Variants in ATAD2 observed in about 807,000 individuals in gnomAD.
ATAD2 encodes the protein ATPase family AAA domain containing 2, also known as ATPase family AAA domain-containing protein 2.
A neutral mutation model predicts 168.9 loss-of-function variants in ATAD2; 62 were observed. The observed-to-expected ratio is 0.37, with a 90% CI of 0.30 to 0.45. The LOEUF is 0.45. Ranked by LOEUF, ATAD2 falls within the 20% of genes least tolerant of loss-of-function variation. The pLI is 1.00. For synonymous variants in ATAD2, 613 were observed against 571.6 expected, an observed-to-expected ratio of 1.07 and a Z score of -1.03; for missense variants, 1,419 against 1,667.8, an observed-to-expected ratio of 0.85 and a Z score of 2.60.
At chr8:123,369,207 A>G (rs538295367) in intron 7 of ATAD2, 32 bp from the exon 8 acceptor site, 87 of 429,452 alleles carry the variant, frequency 2.0e-4, no homozygotes, top group Middle Eastern at 9.1e-4. Context: ...ATATATTTGT[A>G]TATATATATA....
chr8:123,361,601 G>A lies in ATAD2; in HGVS notation c.1095C>T (p.Ser365=), dbSNP rs1436034160. Residue 365 remains serine, a synonymous_variant, in exon 9 of 28, where the codon TCC becomes TCT. Transcript: ENST00000287394. Reference sequence around the variant, plus strand: ...TCTCAAAGTGCTGTTCATCTTCAGAGGAGGAAGATGAAGTCGAGTCACTAC... The same window carrying A: ...TCTCAAAGTGCTGTTCATCTTCAGAAGAGGAAGATGAAGTCGAGTCACTAC... ...IHSSDSTSSS[S]SEDEQHFERR... 1 of 1,613,272 alleles carries A rather than the reference G, an allele frequency of 6.2e-7. No individual in the cohort carries two copies. The highest frequency in any genetic ancestry group is 2.2e-5 in the East Asian group (1 of 44,864).
chr8:123,414,518 G>A (rs1183016590), intron 1 of ATAD2, among the ~76,000 whole-genome samples: 1 of 152,150 alleles, frequency 6.6e-6, no homozygotes, highest in Non-Finnish European at 1.5e-5. Context: ...CAGCTACTCA[G>A]GAGGCTGAGG....
rs370965669 is a variant in ATAD2 at position 123,380,575 on chromosome 8, T to C, written c.274A>G (p.Asn92Asp). The C allele has an allele frequency of 1.2e-5, 20 of 1,613,984 alleles. No individual in the cohort carries two copies. In the East Asian group the frequency reaches 1.3e-4, roughly 11 times the overall value. ...GCAAGTTGCTCCGTTATTTCCACAT[T>C]CTTCTCAAAACTAGAATCTGAAGAA... Reference protein sequence around the residue: ...QNSSDSSFEKNVEITEQLANG... With the variant: ...QNSSDSSFEKDVEITEQLANG... Residue 92 changes from asparagine (N) to aspartate (D), a missense_variant, in exon 2 of 28, where the codon AAT becomes GAT. Transcript: ENST00000287394.
chr8:123,378,096 T>C (rs1196494566), intron 2 of ATAD2, among the ~76,000 whole-genome samples: 1 of 152,216 alleles, frequency 6.6e-6, no homozygotes, highest in Non-Finnish European at 1.5e-5. Context: ...TGGTTTATAT[T>C]GTACTTCATC....
chr8:123,412,568 G>C (rs944653056), intron 1 of ATAD2, among the ~76,000 whole-genome samples: 2 of 151,924 alleles, frequency 1.3e-5, no homozygotes, highest in Non-Finnish European at 2.9e-5. Context: ...GGGTGCCTAG[G>C]ACTACAGATA....
intron 15 of ATAD2, 77 bp from the exon 16 acceptor site, chr8:123,347,483 G>A: frequency 1.4e-5 from 19 of 1,328,206 alleles, no homozygotes; most frequent in South Asian, 6.2e-5. Flanking sequence ...GCATGACCAT[G>A]GTTAAAAAAA....
At chr8:123,369,741 G>T in intron 7 of ATAD2, 80 bp downstream of exon 7, 2 of 1,230,360 alleles carry the variant, frequency 1.6e-6, no homozygotes, top group Non-Finnish European at 2.3e-6. Flanking sequence ...ATACCAAAAA[G>T]ACAAGAATAA....
chr8:123,323,142 G>T lies in ATAD2; in HGVS notation c.4003-76C>A, dbSNP rs1827520515. ...CAAGATACTTAATTTAGAAGGTTTG[G>T]GCAATTATTACAAGCCTGACAGAGG... On this transcript the variant is annotated intron_variant, in intron 26 of 27. Transcript: ENST00000287394. 3 of 1,451,666 alleles carry T rather than the reference G, an allele frequency of 2.1e-6. 1 individual carries two copies. In the Admixed American group the frequency reaches 6.6e-5, roughly 32 times the overall value. The allele number at this position is 1,451,666 out of a possible 1,614,324, so 89.9% of individuals were successfully genotyped here.
intron 2 of ATAD2, among the ~76,000 whole-genome samples, chr8:123,377,282 A>C (rs1163860298): frequency 6.6e-6 from 1 of 151,918 alleles, no homozygotes; most frequent in Non-Finnish European, 1.5e-5. Flanking sequence ...AAAGAAAAAA[A>C]GAATTAATAA....
intron 1 of ATAD2, among the ~76,000 whole-genome samples, chr8:123,388,566 T>C (rs563365764): frequency 1.3e-5 from 2 of 152,106 alleles, no homozygotes; most frequent in African/African-American, 4.8e-5. Context: ...CTGGTTTTTG[T>C]AGAGACAGGG....
At position 123,369,928 on chromosome 8, in the gene ATAD2, TCATCA is replaced by T. The variant is rs1563854736; in HGVS notation, c.819_823del (p.Asp273GlufsTer2). The T allele has an allele frequency of 6.3e-7, 1 of 1,577,944 alleles. No individual in the cohort carries two copies. The highest frequency in any genetic ancestry group is 1.1e-5 in the South Asian group (1 of 90,286). On this transcript the variant is annotated frameshift_variant, in exon 7 of 28. Transcript: ENST00000287394. LOFTEE classifies it high-confidence loss of function. ...TTCATCTTCATCATCTTCATCATCA[TCATCA>T]TCATCATCATCGTCATCATCATCAT... is the stretch of plus-strand genomic sequence containing the variant.
At chr8:123,354,864 AAT>A (rs1251736641) in intron 13 of ATAD2, among the ~76,000 whole-genome samples, 4,890 of 64,512 alleles carry the variant, frequency 0.076, 672 homozygotes, top group African/African-American at 0.16. Context: ...AAAAAAAAAA[AAT>A]ATATATATAT....
intron 8 of ATAD2, among the ~76,000 whole-genome samples, chr8:123,364,107 C>T (rs1238440156): frequency 1.1e-4 from 17 of 152,200 alleles, no homozygotes; most frequent in African/African-American, 3.6e-4. Flanking sequence ...ATAGCAAATA[C>T]ATACCGCACT....
At chr8:123,414,105 A>G (rs1257221838) in intron 1 of ATAD2, among the ~76,000 whole-genome samples, 1 of 150,862 alleles carries the variant, frequency 6.6e-6, no homozygotes, top group East Asian at 1.9e-4. Flanking sequence ...AAAAAAAAAA[A>G]AAAAAAAAAA....
chr8:123,412,561 TGCCTAGGACTACA>T (rs1813174822), intron 1 of ATAD2, among the ~76,000 whole-genome samples: 1 of 152,042 alleles, frequency 6.6e-6, no homozygotes, highest in African/African-American at 2.4e-5. Context: ...GCCTCCTGGG[TGCCTAGGACTACA>T]GATACCACCA....
chr8:123,361,038 C>T (rs1828802990), intron 9 of ATAD2, among the ~76,000 whole-genome samples: 1 of 151,906 alleles, frequency 6.6e-6, no homozygotes, highest in Non-Finnish European at 1.5e-5. Context: ...GCAAGCGGGC[C>T]AGGCATGGTG....
At chr8:123,381,495 T>A (rs915518210) in intron 1 of ATAD2, among the ~76,000 whole-genome samples, 1 of 144,170 alleles carries the variant, frequency 6.9e-6, no homozygotes, top group Non-Finnish European at 1.5e-5. Context: ...AGTGAGACCC[T>A]GCCACAAAAC....
At chr8:123,347,780 T>G (rs558128599) in intron 15 of ATAD2, among the ~76,000 whole-genome samples, 1 of 152,328 alleles carries the variant, frequency 6.6e-6, no homozygotes, top group East Asian at 1.9e-4. Flanking sequence ...TACTGCTACC[T>G]ACATCACAGG....
chr8:123,350,900 T>C (rs1236688153), intron 13 of ATAD2, among the ~76,000 whole-genome samples: 1 of 151,586 alleles, frequency 6.6e-6, no homozygotes, highest in African/African-American at 2.4e-5. Context: ...AATTTTTTTG[T>C]ATTTTTTTTT....
Sources: allele counts gnomAD v4.1 joint callset (sites outside exome capture counted in the v4.1 genomes callset), GRCh38; gene constraint gnomAD v4.1.1; transcripts MANE v1.5; gene names NCBI Gene and HGNC (gene_info 2026-07-23, HGNC 2026-07-21).